Variants in SNX29 observed in about 807,000 individuals in gnomAD.
SNX29 encodes sorting nexin-29.
A neutral mutation model predicts 102.1 loss-of-function variants in SNX29; 78 were observed. The ratio of observed to expected loss-of-function variants is 0.76; its 90% confidence interval spans 0.64 to 0.92. The LOEUF (loss-of-function observed/expected upper bound fraction) is 0.92. Among genes scored for constraint, SNX29 ranks in the 40% least tolerant of loss-of-function variants. The probability of loss-of-function intolerance (pLI) is 0.00; values close to 1 mark genes in which losing one functional copy is unlikely to be tolerated. For synonymous variants in SNX29, 580 were observed against 414.5 expected (o/e 1.40, Z -4.85); for missense variants, 1,280 against 1,061.7 (o/e 1.21, Z -2.86).
intron 3 of SNX29, among the ~76,000 whole-genome samples, chr16:12,021,477 G>C (rs925603271): frequency 6.6e-6 from 1 of 152,050 alleles, no homozygotes; most frequent in Non-Finnish European, 1.5e-5. Flanking sequence ...TTAATTTGAT[G>C]CAGTTTATAA....
chr16:12,136,146 A>G (rs1290749145), intron 13 of SNX29, among the ~76,000 whole-genome samples: 1 of 152,108 alleles, frequency 6.6e-6, no homozygotes, highest in African/African-American at 2.4e-5. Context: ...ACTCACATGA[A>G]CATGTTGTCA....
intron 11 of SNX29, among the ~76,000 whole-genome samples, chr16:12,112,008 G>C (rs2053520574): frequency 6.6e-6 from 1 of 152,196 alleles, no homozygotes; most frequent in South Asian, 2.1e-4. Context: ...TCGTTCCCAG[G>C]GCTCTGCTGG....
At chr16:12,528,769 A>G (rs746017255) in intron 20 of SNX29, among the ~76,000 whole-genome samples, 1 of 152,162 alleles carries the variant, frequency 6.6e-6, no homozygotes, top group Non-Finnish European at 1.5e-5. Context: ...CACGTTACTC[A>G]TGATGCATTC....
chr16:12,476,804 G>T (rs952958489), intron 18 of SNX29, among the ~76,000 whole-genome samples: 2 of 152,066 alleles, frequency 1.3e-5, no homozygotes, highest in Non-Finnish European at 2.9e-5. Context: ...GTCTGTGTTT[G>T]GGGTTGATGG....
chr16:12,131,139 G>A (rs999598567), intron 13 of SNX29, among the ~76,000 whole-genome samples: 2 of 152,366 alleles, frequency 1.3e-5, no homozygotes, highest in Middle Eastern at 3.4e-3. Flanking sequence ...CTGCTGCGAC[G>A]CAGCTGTGCT....
intron 18 of SNX29, among the ~76,000 whole-genome samples, chr16:12,444,507 A>G (rs943028633): frequency 6.6e-6 from 1 of 152,260 alleles, no homozygotes; most frequent in African/African-American, 2.4e-5. Context: ...AGATCCTGGT[A>G]CATAGTAGAT....
chr16:12,364,699 C>T (rs1422732725), intron 16 of SNX29, among the ~76,000 whole-genome samples: 1 of 152,174 alleles, frequency 6.6e-6, no homozygotes, highest in African/African-American at 2.4e-5. Context: ...CACGAGCTCA[C>T]TTCATATAAT....
intron 13 of SNX29, among the ~76,000 whole-genome samples, chr16:12,167,954 A>G (rs1467707626): frequency 6.6e-6 from 1 of 152,122 alleles, no homozygotes; most frequent in Non-Finnish European, 1.5e-5. Flanking sequence ...CCCTTTACCA[A>G]AAGAGCTCAC....
At chr16:12,023,374 C>T (rs2057085940) in intron 3 of SNX29, among the ~76,000 whole-genome samples, 1 of 149,372 alleles carries the variant, frequency 6.7e-6, no homozygotes, top group Non-Finnish European at 1.5e-5. Context: ...TCTGGGAACC[C>T]CCCAGCCCTC....
At chr16:12,513,816 C>G (rs940222630) in intron 19 of SNX29, among the ~76,000 whole-genome samples, 1 of 152,222 alleles carries the variant, frequency 6.6e-6, no homozygotes, top group African/African-American at 2.4e-5. Context: ...AGCTCTGTGA[C>G]ATTTGGGAAG....
intron 20 of SNX29, among the ~76,000 whole-genome samples, chr16:12,543,935 C>T (rs1001490732): frequency 7.9e-5 from 12 of 152,158 alleles, no homozygotes; most frequent in South Asian, 2.1e-4. Context: ...GGCACCCTCT[C>T]GTTCTAAGCG....
intron 13 of SNX29, among the ~76,000 whole-genome samples, chr16:12,158,167 C>G (rs2055632790): frequency 6.6e-6 from 1 of 152,004 alleles, no homozygotes; most frequent in African/African-American, 2.4e-5. Flanking sequence ...CAGCCTCTAC[C>G]TCCCAGGTAG....
At chr16:12,272,877 C>T (rs7189386) in intron 14 of SNX29, among the ~76,000 whole-genome samples, 96,121 of 151,936 alleles carry the variant, frequency 0.63, 31,404 homozygotes, top group African/African-American at 0.78. Context: ...TATTTCTCAT[C>T]GTGGAAGAGG....
At chr16:12,081,728 T>TA (rs2051905940) in intron 11 of SNX29, 1 of 119,288 alleles carries the variant, frequency 8.4e-6, no homozygotes, top group Non-Finnish European at 1.9e-5. Context: ...AAAGCTAAAA[T>TA]AAAAATTTCG....
chr16:12,510,250 C>T (rs777624257), intron 19 of SNX29, among the ~76,000 whole-genome samples: 14 of 152,170 alleles, frequency 9.2e-5, no homozygotes, highest in Admixed American at 2.0e-4. Flanking sequence ...TAGATTGCTC[C>T]AAAATATGGT....
rs138270401 is a variant in SNX29, at chr16:12,062,149, C to T, written c.1243+503C>T. 8.9e-3 allele frequency among the ~76,000 whole-genome samples: 1,351 copies of T among 151,976 alleles called. 22 individuals carry two copies. Among genetic ancestry groups the T allele is most frequent in the African/African-American group, 0.028 (1,168 of 41,460 alleles). On this transcript the variant is annotated intron_variant, in intron 9 of 20. Coordinates refer to ENST00000566228, the MANE Select transcript of SNX29 (RefSeq NM_032167.5). The stretch of plus-strand genomic sequence containing the variant: ...ATCCCAGCACTTTGTGAAGCCGAGG[C>T]GGGTGGATCACCTGAGGTCAGGAGT...
intron 15 of SNX29, among the ~76,000 whole-genome samples, chr16:12,284,728 T>A (rs2082817696): frequency 6.6e-6 from 1 of 152,022 alleles, no homozygotes; most frequent in Non-Finnish European, 1.5e-5. Context: ...TTCCTTTTTT[T>A]TTTTTCTTTT....
intron 13 of SNX29, among the ~76,000 whole-genome samples, chr16:12,181,508 G>A (rs542891773): frequency 3.3e-5 from 5 of 152,336 alleles, no homozygotes; most frequent in African/African-American, 1.2e-4. Flanking sequence ...GAGTAGAGGG[G>A]TGACTTTGAA....
chr16:12,559,505 T>C (rs1370271009), intron 20 of SNX29, among the ~76,000 whole-genome samples: 3 of 152,050 alleles, frequency 2.0e-5, no homozygotes, highest in South Asian at 4.2e-4. Flanking sequence ...AATGTACAAA[T>C]GTAACACACT....
Sources: gnomAD v4.1 joint callset for allele counts (sites outside exome capture counted in the v4.1 genomes callset) on GRCh38, gnomAD v4.1.1 for gene constraint, MANE v1.5 for transcripts, NCBI Gene and HGNC (gene_info 2026-07-23, HGNC 2026-07-21) for gene names.